Variants in BRDT observed in about 807,000 individuals in gnomAD.
The protein encoded by BRDT is bromodomain testis associated, also known as bromodomain testis-specific protein.
In BRDT, 77 loss-of-function variants were observed where a neutral mutation model predicts 113.9. That is an observed-to-expected ratio of 0.68 (90% CI 0.56 to 0.82). The LOEUF is 0.82. Among genes scored for constraint, BRDT ranks in the 40% least tolerant of loss-of-function variants. The pLI is 0.00. For missense variants in BRDT, 1,027 were observed against 1,105.4 expected (o/e 0.93, Z 1.01); for synonymous variants, 358 against 366.5 (o/e 0.98, Z 0.26).
intron 1 of BRDT, among the ~76,000 whole-genome samples, chr1:91,961,833 C>T (rs1317631393): frequency 6.6e-6 from 1 of 152,004 alleles, no homozygotes; most frequent in Non-Finnish European, 1.5e-5. Context: ...TTGTGAAAGA[C>T]AGGAAGACTG....
At chr1:91,988,679 G>T (rs545977198) in intron 12 of BRDT, among the ~76,000 whole-genome samples, 9 of 152,154 alleles carry the variant, frequency 5.9e-5, no homozygotes, top group Non-Finnish European at 1.2e-4. Flanking sequence ...GGGATTACAG[G>T]TGTGAGCTAC....
At chr1:91,961,077 G>A (rs934058398) in intron 1 of BRDT, among the ~76,000 whole-genome samples, 2 of 152,172 alleles carry the variant, frequency 1.3e-5, no homozygotes, top group African/African-American at 4.8e-5. Flanking sequence ...TTGGGAGGTC[G>A]AGGAGGGTGG....
chr1:91,981,834 T>A lies in BRDT; in HGVS notation c.2002+79T>A, dbSNP rs371177826. 5.8e-5 allele frequency: 84 copies of A among 1,441,432 alleles called. 1 individual carries two copies. In the East Asian group the frequency reaches 2.0e-3, roughly 35 times the overall value. The allele number at this position is 1,441,432 out of a possible 1,614,324, so 89.3% of individuals were successfully genotyped here. A position where few individuals can be genotyped will look rare whatever the true frequency, so the allele number is the denominator to read the frequency against. On this transcript the variant is annotated intron_variant, in intron 12 of 18. Coordinates refer to ENST00000399546, the MANE Select transcript of BRDT (RefSeq NM_207189.4). ...AATATTGATTTATATTTTGAAGAAA[T>A]ATTTGTTACTTACCCAGAATCCATG...
Position 92,004,463 on chromosome 1 carries a change from T to G in BRDT, c.2438T>G (p.Val813Gly), listed in dbSNP as rs1422067452. The G allele has an allele frequency of 3.7e-6, 6 of 1,610,754 alleles. No homozygotes were observed. Among genetic ancestry groups the G allele is most frequent in the Non-Finnish European group, 5.1e-6 (6 of 1,179,202 alleles). Reference sequence around the variant, plus strand: ...TCATGGAAAAGTTTAGGCAAACCAGTGAAACCATCAGGTGTAATGAAATCC... The same window carrying G: ...TCATGGAAAAGTTTAGGCAAACCAGGGAAACCATCAGGTGTAATGAAATCC... ...ADSWKSLGKP[V>G]KPSGVMKSSD... Residue 813 changes from valine to glycine, a missense_variant, in exon 17 of 19, where the codon GTG becomes GGG. By Grantham distance (109) the Val-to-Gly change is moderately radical. Transcript: ENST00000399546.
At chr1:91,961,063 C>T (rs1056031975) in intron 1 of BRDT, among the ~76,000 whole-genome samples, 3 of 152,192 alleles carry the variant, frequency 2.0e-5, no homozygotes, top group African/African-American at 7.2e-5. Flanking sequence ...GTAATCCCAG[C>T]ACTTTGGGAG....
At chr1:92,009,680 C>T (rs533345575) in intron 18 of BRDT, among the ~76,000 whole-genome samples, 1 of 151,708 alleles carries the variant, frequency 6.6e-6, no homozygotes, top group South Asian at 2.1e-4. Context: ...CCCCCAGTAG[C>T]TGGGACCACA....
intron 7 of BRDT, among the ~76,000 whole-genome samples, chr1:91,979,026 C>CAAAAAA (rs1416677618): frequency 2.2e-5 from 3 of 138,414 alleles, no homozygotes; most frequent in African/African-American, 7.9e-5. Context: ...ACAACAACAA[C>CAAAAAA]AAAAAAAACC....
intron 1 of BRDT, among the ~76,000 whole-genome samples, chr1:91,956,987 T>A (rs1416880614): frequency 1.3e-5 from 2 of 152,150 alleles, no homozygotes; most frequent in African/African-American, 4.8e-5. Flanking sequence ...ATTCAATTGT[T>A]CACATTTTTG....
intron 4 of BRDT, among the ~76,000 whole-genome samples, chr1:91,975,715 A>G (rs184579929): frequency 6.6e-6 from 1 of 152,336 alleles, no homozygotes; most frequent in East Asian, 1.9e-4. Flanking sequence ...TTTTGAAATA[A>G]CAGATTTCAG....
intron 4 of BRDT, 72 bp from the exon 5 acceptor site, chr1:91,976,194 G>A: frequency 7.2e-7 from 1 of 1,395,188 alleles, no homozygotes; most frequent in Non-Finnish European, 9.5e-7. Context: ...AAATGAAATA[G>A]AAAATAAGAC....
At chr1:91,979,796 A>C (rs758780087) in intron 8 of BRDT, 39 bp downstream of exon 8, 3 of 1,553,068 alleles carry the variant, frequency 1.9e-6, no homozygotes, top group African/African-American at 2.8e-5. Context: ...ATAATCTATG[A>C]GCTGCTAATC....
chr1:91,975,380 A>G (rs1276177828), intron 4 of BRDT, among the ~76,000 whole-genome samples: 1 of 152,198 alleles, frequency 6.6e-6, no homozygotes, highest in Non-Finnish European at 1.5e-5. Context: ...TTTGGTTTTT[A>G]CTTAGCGAGA....
At chr1:91,962,970 A>T in intron 2 of BRDT, 24 bp downstream of exon 2, 1 of 1,482,414 alleles carries the variant, frequency 6.7e-7, no homozygotes, top group Non-Finnish European at 9.0e-7. Flanking sequence ...CAACTATGTT[A>T]GTTTCAAAAA....
chr1:91,999,658 T>C (rs1230289223), intron 15 of BRDT, among the ~76,000 whole-genome samples: 2 of 152,202 alleles, frequency 1.3e-5, no homozygotes, highest in Non-Finnish European at 2.9e-5. Context: ...TGGCCATACA[T>C]TGATCATTTT....
At chr1:92,008,294 T>G (rs189196166) in intron 18 of BRDT, among the ~76,000 whole-genome samples, 1 of 152,314 alleles carries the variant, frequency 6.6e-6, no homozygotes, top group East Asian at 1.9e-4. Flanking sequence ...GAACATTTCT[T>G]ATAGTCTGGG....
chr1:91,962,595 A>T, intron 1 of BRDT, 123 bp from the exon 2 acceptor site: 2 of 485,454 alleles, frequency 4.1e-6, no homozygotes, highest in Non-Finnish European at 3.4e-6. Context: ...TGGCCTCCCA[A>T]AGTGTTGAGA....
chr1:91,963,360 T>C (rs1373135437), intron 2 of BRDT, among the ~76,000 whole-genome samples: 1 of 152,214 alleles, frequency 6.6e-6, no homozygotes, highest in Non-Finnish European at 1.5e-5. Context: ...TTATTTAGCA[T>C]CATTAAAGTC....
At chr1:91,986,037 A>G (rs1685208539) in intron 12 of BRDT, among the ~76,000 whole-genome samples, 1 of 152,346 alleles carries the variant, frequency 6.6e-6, no homozygotes, top group Middle Eastern at 3.4e-3. Context: ...TGGTGTCAGC[A>G]TATGCAGATA....
At chr1:91,987,881 G>T (rs1056358283) in intron 12 of BRDT, among the ~76,000 whole-genome samples, 1 of 151,212 alleles carries the variant, frequency 6.6e-6, no homozygotes, top group African/African-American at 2.4e-5. Flanking sequence ...ACAGAGTCTC[G>T]CAGTTTCACC....
Sources: allele counts gnomAD v4.1 joint callset (sites outside exome capture counted in the v4.1 genomes callset), GRCh38; gene constraint gnomAD v4.1.1; transcripts MANE v1.5; gene names NCBI Gene and HGNC (gene_info 2026-07-23, HGNC 2026-07-21).